The following CTIF variants were observed in gnomAD, a reference collection of about 807,000 sequenced individuals.
The protein encoded by CTIF is CBP80/20-dependent translation initiation factor.
CTIF carries 21 observed loss-of-function variants against 66.0 expected under a neutral mutation model. The observed-to-expected ratio is 0.32, with a 90% CI of 0.23 to 0.46. The LOEUF (loss-of-function observed/expected upper bound fraction) is 0.46. CTIF is among the 20% of genes least tolerant of loss of function. The pLI, the probability that CTIF is intolerant of heterozygous loss-of-function variation, is 1.00. For missense variants in CTIF, 739 were observed against 812.7 expected (o/e 0.91, Z 1.10); for synonymous variants, 345 against 326.4 (o/e 1.06, Z -0.62).
At chr18:48,693,489 T>C (rs191339845) in intron 6 of CTIF, among the ~76,000 whole-genome samples, 1 of 152,312 alleles carries the variant, frequency 6.6e-6, no homozygotes, top group East Asian at 1.9e-4. Flanking sequence ...GGGCTGTCAC[T>C]GAGCAACCAG....
chr18:48,648,606 C>T (rs1172488912), intron 3 of CTIF, among the ~76,000 whole-genome samples: 1 of 152,110 alleles, frequency 6.6e-6, no homozygotes, highest in African/African-American at 2.4e-5. Context: ...TGAGAAGATT[C>T]AACCATTCTC....
intron 7 of CTIF, among the ~76,000 whole-genome samples, chr18:48,751,783 A>T (rs1303779368): frequency 6.6e-6 from 1 of 152,126 alleles, no homozygotes; most frequent in Non-Finnish European, 1.5e-5. Flanking sequence ...TGTCACACAA[A>T]CACCCTGCCT....
At chr18:48,793,397 T>C (rs1203119624) in intron 9 of CTIF, among the ~76,000 whole-genome samples, 1 of 152,228 alleles carries the variant, frequency 6.6e-6, no homozygotes, top group African/African-American at 2.4e-5. Flanking sequence ...GATAGGTGCC[T>C]GGGGGCCAGC....
At chr18:48,577,869 C>A (rs1325942191) in intron 1 of CTIF, among the ~76,000 whole-genome samples, 1 of 152,226 alleles carries the variant, frequency 6.6e-6, no homozygotes, top group Non-Finnish European at 1.5e-5. Flanking sequence ...GCCACTATGT[C>A]CAGCCTAAAG....
intron 3 of CTIF, among the ~76,000 whole-genome samples, chr18:48,654,979 G>T (rs542225056): frequency 6.6e-5 from 10 of 152,012 alleles, no homozygotes; most frequent in East Asian, 5.8e-4. Flanking sequence ...TGTGTGGGGT[G>T]GGGGGCAGGG....
At chr18:48,737,511 G>A (rs80198049) in intron 7 of CTIF, among the ~76,000 whole-genome samples, 5,027 of 152,084 alleles carry the variant, frequency 0.033, 275 homozygotes, top group African/African-American at 0.12. Flanking sequence ...AACCACCTTG[G>A]AACAGGCAAT....
intron 1 of CTIF, among the ~76,000 whole-genome samples, chr18:48,590,389 C>G (rs1346047460): frequency 6.6e-6 from 1 of 152,236 alleles, no homozygotes; most frequent in East Asian, 1.9e-4. Context: ...TTGTGTCAAC[C>G]AGGAGGCCTG....
At chr18:48,615,516 A>G (rs1303540253) in intron 1 of CTIF, among the ~76,000 whole-genome samples, 1 of 152,122 alleles carries the variant, frequency 6.6e-6, no homozygotes, top group Admixed American at 6.5e-5. Context: ...GAGAGAGTGA[A>G]AAGGAGGGGA....
rs1280461453 is a variant in CTIF, at chr18:48,687,336, A to G, written c.507+16592A>G. ...CACACACACACACACACACACACAC[A>G]CACACACACACACACCAAGCTTACC... On this transcript the variant is annotated intron_variant, in intron 6 of 11. Coordinates refer to ENST00000256413, the MANE Select transcript of CTIF (RefSeq NM_014772.3). 2.0e-5 allele frequency among the ~76,000 whole-genome samples: 3 copies of G among 150,744 alleles called. No individual in the cohort carries two copies. The East Asian group carries it at 5.8e-4, about 29-fold the overall frequency.
chr18:48,650,520 A>C (rs1333864130), intron 3 of CTIF, among the ~76,000 whole-genome samples: 1 of 151,828 alleles, frequency 6.6e-6, no homozygotes, highest in Non-Finnish European at 1.5e-5. Flanking sequence ...ACCTGAAAGC[A>C]AAAGGGAGAA....
chr18:48,669,528 G>T (rs559085527), intron 5 of CTIF, among the ~76,000 whole-genome samples: 1 of 151,872 alleles, frequency 6.6e-6, no homozygotes, highest in African/African-American at 2.4e-5. Context: ...GCATGAGGCT[G>T]GGTTGGCTCC....
intron 1 of CTIF, among the ~76,000 whole-genome samples, chr18:48,606,994 TATA>T (rs1419187423): frequency 6.6e-6 from 1 of 152,204 alleles, no homozygotes; most frequent in Non-Finnish European, 1.5e-5. Flanking sequence ...GGGAGTCGTT[TATA>T]ATTTCATTTG....
chr18:48,624,787 C>T (rs1018315131), intron 2 of CTIF, among the ~76,000 whole-genome samples: 1 of 152,188 alleles, frequency 6.6e-6, no homozygotes, highest in Admixed American at 6.5e-5. Context: ...TGCCCCGATC[C>T]AGTCTCTTGG....
chr18:48,569,872 G>A (rs900350718), intron 1 of CTIF, among the ~76,000 whole-genome samples: 2 of 152,198 alleles, frequency 1.3e-5, no homozygotes, highest in African/African-American at 2.4e-5. Flanking sequence ...CTAGGACACA[G>A]CATTGGCTTC....
At chr18:48,557,810 C>G (rs142305171) in intron 1 of CTIF, among the ~76,000 whole-genome samples, 3 of 152,244 alleles carry the variant, frequency 2.0e-5, no homozygotes, top group Non-Finnish European at 4.4e-5. Flanking sequence ...GGGTCCCACA[C>G]GGTCTCTCCT....
chr18:48,549,762 G>T (rs746700369), intron 1 of CTIF, among the ~76,000 whole-genome samples: 2 of 152,162 alleles, frequency 1.3e-5, no homozygotes, highest in Non-Finnish European at 2.9e-5. Context: ...CCATGCCTCC[G>T]CTCCAGTGGA....
intron 1 of CTIF, among the ~76,000 whole-genome samples, chr18:48,604,178 T>G (rs1388468341): frequency 8.2e-5 from 10 of 121,496 alleles, no homozygotes; most frequent in African/African-American, 3.1e-4. Context: ...GTTTTTTTTT[T>G]TTTTTTTTTT....
intron 1 of CTIF, among the ~76,000 whole-genome samples, chr18:48,610,965 G>A (rs1002637171): frequency 1.3e-5 from 2 of 152,196 alleles, no homozygotes; most frequent in Non-Finnish European, 2.9e-5. Flanking sequence ...CCAGAACTGC[G>A]CTTGGGGTCC....
At chr18:48,617,018 C>T (rs2090412396) in intron 1 of CTIF, among the ~76,000 whole-genome samples, 1 of 152,230 alleles carries the variant, frequency 6.6e-6, no homozygotes, top group Non-Finnish European at 1.5e-5. Flanking sequence ...AAGTCTGGCA[C>T]AGCGTCTCAT....
Sources: allele counts gnomAD v4.1 joint callset (sites outside exome capture counted in the v4.1 genomes callset), GRCh38; gene constraint gnomAD v4.1.1; transcripts MANE v1.5; gene names NCBI Gene and HGNC (gene_info 2026-07-23, HGNC 2026-07-21).